The following AKR1C3 variants were observed in gnomAD, a reference collection of about 807,000 sequenced individuals.
The protein encoded by AKR1C3 is 3-alpha hydroxysteroid dehydrogenase, type II.
Under a neutral mutation model 43.6 loss-of-function variants are expected in AKR1C3, and 48 were observed. The observed-to-expected ratio is 1.10, with a 90% CI of 0.87 to 1.40. The LOEUF (loss-of-function observed/expected upper bound fraction) is 1.40, where lower values mean the gene tolerates loss of function less well. Among genes scored for constraint, AKR1C3 ranks in the 40% most tolerant of loss-of-function variants. The probability of loss-of-function intolerance (pLI) is 0.00; values close to 1 mark genes in which losing one functional copy is unlikely to be tolerated. For missense variants in AKR1C3, 482 were observed against 391.2 expected (o/e 1.23, Z -1.96); for synonymous variants, 162 against 139.6 (o/e 1.16, Z -1.13).
In AKR1C3 at chr10:5,083,123, C is replaced by T. The variant is rs375139521; in HGVS notation, c.85-13287C>T. On this transcript the variant is annotated intron_variant, in intron 1 of 8. Transcript: ENST00000439082. The stretch of plus-strand genomic sequence containing the variant: ...TAAGTTTTAGGGTACATGTGCACAA[C>T]GTGCAGGTTTGTTACATATGTATAC... Among the ~76,000 whole-genome samples, 108 of 151,830 alleles carry T rather than the reference C, an allele frequency of 7.1e-4. No homozygotes were observed. In the South Asian group the frequency reaches 0.02, roughly 27 times the overall value.
chr10:5,048,828 A>G, exon 1 of AKR1C3: 1 of 1,613,894 alleles, frequency 6.2e-7, no homozygotes. Flanking sequence ...TCAAAACATC[A>G]GTGTTTGAAG....
chr10:5,049,193 C>T (rs1416107391), intron 1 of AKR1C3, among the ~76,000 whole-genome samples: 1 of 152,186 alleles, frequency 6.6e-6, no homozygotes, highest in East Asian at 1.9e-4. Context: ...CACTGCCTGC[C>T]TGCTCCTCTC....
intron 1 of AKR1C3, among the ~76,000 whole-genome samples, chr10:5,050,947 A>G (rs564911159): frequency 1.3e-5 from 2 of 152,398 alleles, no homozygotes; most frequent in Admixed American, 6.5e-5. Context: ...TGATGAGCGT[A>G]TAACTTGCCT....
At chr10:5,076,266 A>G (rs970501087) in intron 1 of AKR1C3, among the ~76,000 whole-genome samples, 1 of 152,166 alleles carries the variant, frequency 6.6e-6, no homozygotes, top group Non-Finnish European at 1.5e-5. Flanking sequence ...CCTCAATGCA[A>G]TAGTGTTGAG....
intron 1 of AKR1C3, among the ~76,000 whole-genome samples, chr10:5,064,550 A>C (rs868938559): frequency 6.6e-6 from 1 of 152,230 alleles, no homozygotes; most frequent in South Asian, 2.1e-4. Flanking sequence ...TAAACTAAAC[A>C]GCTTCTACAC....
chr10:5,055,612 A>G (rs1250087085), intron 1 of AKR1C3, among the ~76,000 whole-genome samples: 1 of 152,214 alleles, frequency 6.6e-6, no homozygotes, highest in Non-Finnish European at 1.5e-5. Context: ...TAGGTACGCC[A>G]CTGGTTGTGG....
chr10:5,087,122 G>A (rs1168921492), intron 1 of AKR1C3, among the ~76,000 whole-genome samples: 1 of 152,070 alleles, frequency 6.6e-6, no homozygotes, highest in Non-Finnish European at 1.5e-5. Context: ...GATGTTAGCT[G>A]GTTATTTTGC....
chr10:5,080,508 C>T (rs1554782238), intron 1 of AKR1C3, among the ~76,000 whole-genome samples: 3 of 152,102 alleles, frequency 2.0e-5, no homozygotes, highest in Non-Finnish European at 4.4e-5. Context: ...CCTCTAGTCC[C>T]AGCTACTCAT....
intron 1 of AKR1C3, among the ~76,000 whole-genome samples, chr10:5,070,741 TAGAA>T (rs1365248121): frequency 1.3e-5 from 2 of 152,196 alleles, no homozygotes; most frequent in Non-Finnish European, 1.5e-5. Flanking sequence ...GACATGAGGA[TAGAA>T]AGAGGACAGC....
chr10:5,078,336 G>A (rs1564361443), intron 1 of AKR1C3, among the ~76,000 whole-genome samples: 3 of 152,170 alleles, frequency 2.0e-5, no homozygotes, highest in African/African-American at 4.8e-5. Flanking sequence ...CCCGCTACTC[G>A]GGAGGCTGAG....
chr10:5,094,410 C>A (rs1554784819), upstream of AKR1C3: 2 of 1,603,600 alleles, frequency 1.2e-6, no homozygotes, highest in South Asian at 1.1e-5. Context: ...GGAGAAGCAG[C>A]AGCAAACATT....
chr10:5,078,420 G>A (rs549806284), intron 1 of AKR1C3, among the ~76,000 whole-genome samples: 2 of 152,332 alleles, frequency 1.3e-5, no homozygotes, highest in South Asian at 2.1e-4. Context: ...CTCCAGCCTG[G>A]TCAACAGAGC....
At chr10:5,079,345 T>G (rs1464846350) in intron 1 of AKR1C3, among the ~76,000 whole-genome samples, 1 of 152,022 alleles carries the variant, frequency 6.6e-6, no homozygotes, top group Non-Finnish European at 1.5e-5. Context: ...ATTTTGATCT[T>G]GCTGTTAAGA....
chr10:5,098,862 C>A lies in AKR1C3; in HGVS notation c.430C>A (p.Leu144Ile), dbSNP rs1554785548. The A allele has an allele frequency of 6.2e-7, 1 of 1,613,336 alleles. No individual in the cohort carries two copies. The highest frequency in any genetic ancestry group is 8.5e-7 in the Non-Finnish European group (1 of 1,179,652). ...AAAAGTAATATTTGACATAGTGGAT[C>A]TCTGTACCACCTGGGAGGTGAGTGC... is the stretch of plus-strand genomic sequence containing the variant. ...NGKVIFDIVD[L>I]CTTWEAMEKC... The change falls in exon 4 of 9, where the codon CTC becomes ATC. Residue 144 changes from leucine to isoleucine, a missense_variant. By Grantham distance (5) the Leu-to-Ile change is conservative (BLOSUM62 2). Transcript: ENST00000380554.
intron 1 of AKR1C3, among the ~76,000 whole-genome samples, chr10:5,066,475 C>T (rs993772513): frequency 4.4e-4 from 67 of 152,104 alleles, no homozygotes; most frequent in African/African-American, 1.6e-3. Context: ...TTTCTTTCAG[C>T]TCTTGTTATT....
chr10:5,102,510 T>C lies in AKR1C3; in HGVS notation c.706T>C (p.Leu236=). The C allele has an allele frequency of 1.3e-6, 2 of 1,569,106 alleles. No homozygotes were observed. The highest frequency in any genetic ancestry group is 1.7e-6 in the Non-Finnish European group (2 of 1,158,786). Residue 236 remains leucine, a synonymous_variant, in exon 7 of 9, where the codon TTG becomes CTG. Transcript: ENST00000380554. ...GGTGGACCCGAACTCCCCGGTGCTC[T>C]TGGAGGACCCAGTCCTTTGTGCCTT... ...RWVDPNSPVL[L]EDPVLCALAK... is the part of the protein sequence containing the mutation.
At chr10:5,082,362 C>G (rs1838855118) in intron 1 of AKR1C3, among the ~76,000 whole-genome samples, 2 of 151,992 alleles carry the variant, frequency 1.3e-5, no homozygotes, top group African/African-American at 4.8e-5. Flanking sequence ...TTGTCTTGTT[C>G]CAGTTCTTAG....
At chr10:5,080,043 G>A (rs1459289894) in intron 1 of AKR1C3, among the ~76,000 whole-genome samples, 5 of 152,172 alleles carry the variant, frequency 3.3e-5, no homozygotes, top group Admixed American at 2.6e-4. Flanking sequence ...TGAAGGAATT[G>A]TGCACGGCCT....
At position 5,102,622 on chromosome 10, in the gene AKR1C3, A is replaced by C; in HGVS notation, c.818A>C (p.Asn273Thr). ...RGVVVLAKSY[N>T]EQRIRQNVQV... ...GTTGTGGTCCTGGCCAAGAGCTACA[A>C]TGAGCAGCGCATCAGACAGAACGTG... The change falls in exon 7 of 9, where the codon AAT becomes ACT. Residue 273 changes from asparagine (N) to threonine (T), a missense_variant. By Grantham distance (65) the Asn-to-Thr change is moderately conservative (BLOSUM62 0). Transcript: ENST00000380554. The C allele has an allele frequency of 6.7e-7, 1 of 1,497,066 alleles. No individual in the cohort carries two copies. The highest frequency in any genetic ancestry group is 1.4e-5 in the South Asian group (1 of 73,520). The allele number at this position is 1,497,066 out of a possible 1,614,324, so 92.7% of individuals were successfully genotyped here. A position where few individuals can be genotyped will look rare whatever the true frequency, so the allele number is the denominator to read the frequency against.
Sources: gnomAD v4.1 joint callset for allele counts (sites outside exome capture counted in the v4.1 genomes callset) on GRCh38, gnomAD v4.1.1 for gene constraint, MANE v1.5 for transcripts, NCBI Gene and HGNC (gene_info 2026-07-23, HGNC 2026-07-21) for gene names.